Variants in ME3 observed in about 807,000 individuals in gnomAD.
ME3 encodes malic enzyme 3.
A neutral mutation model predicts 68.9 loss-of-function variants in ME3; 48 were observed. The observed-to-expected ratio is 0.70, with a 90% CI of 0.55 to 0.89. The LOEUF (loss-of-function observed/expected upper bound fraction) is 0.89. Ranked by LOEUF, ME3 falls within the 40% of genes least tolerant of loss-of-function variation. ME3 has a pLI of 0.00. For missense variants in ME3, 675 were observed against 797.4 expected (o/e 0.85, Z 1.85); for synonymous variants, 320 against 318.8 (o/e 1.00, Z -0.04).
At chr11:86,506,733 C>A (rs1953105208) in intron 5 of ME3, among the ~76,000 whole-genome samples, 1 of 152,184 alleles carries the variant, frequency 6.6e-6, no homozygotes, top group South Asian at 2.1e-4. Flanking sequence ...CTACTGAGTG[C>A]CTCCTATGTC....
At chr11:86,584,142 G>A (rs1958599540) in intron 2 of ME3, among the ~76,000 whole-genome samples, 1 of 152,076 alleles carries the variant, frequency 6.6e-6, no homozygotes, top group Non-Finnish European at 1.5e-5. Context: ...TAACCTGATT[G>A]TAAAATGGGC....
At chr11:86,616,395 T>C (rs1045060354) in intron 2 of ME3, among the ~76,000 whole-genome samples, 6 of 152,252 alleles carry the variant, frequency 3.9e-5, no homozygotes, top group Non-Finnish European at 5.9e-5. Flanking sequence ...CTGATGTTAA[T>C]TCTTAAACTG....
chr11:86,461,702 C>G (rs1024406500), intron 8 of ME3, among the ~76,000 whole-genome samples: 1 of 152,180 alleles, frequency 6.6e-6, no homozygotes, highest in African/African-American at 2.4e-5. Flanking sequence ...TGCTGACAGC[C>G]TTGCTGTCAG....
intron 2 of ME3, among the ~76,000 whole-genome samples, chr11:86,582,009 C>T (rs576884021): frequency 6.6e-6 from 1 of 152,348 alleles, no homozygotes; most frequent in Non-Finnish European, 1.5e-5. Flanking sequence ...TGGAATACAC[C>T]TTTTAGAACT....
intron 6 of ME3, among the ~76,000 whole-genome samples, chr11:86,492,475 A>T (rs191839795): frequency 6.6e-6 from 1 of 152,224 alleles, no homozygotes; most frequent in Non-Finnish European, 1.5e-5. Context: ...TGGTTTCTAG[A>T]CCAGGACTCT....
At chr11:86,543,071 G>A (rs1160315635) in intron 4 of ME3, among the ~76,000 whole-genome samples, 1 of 152,138 alleles carries the variant, frequency 6.6e-6, no homozygotes, top group Non-Finnish European at 1.5e-5. Context: ...ATAAGTGAAG[G>A]AGAAATAAAA....
At chr11:86,436,527 A>C (rs1468644379), downstream of ME3, 4 of 151,956 alleles carry the variant, frequency 2.6e-5, no homozygotes. Context: ...AGTACAATTT[A>C]TTTCTTTTAT....
chr11:86,531,004 T>G (rs1208390752), intron 4 of ME3, among the ~76,000 whole-genome samples: 1 of 152,054 alleles, frequency 6.6e-6, no homozygotes, highest in African/African-American at 2.4e-5. Flanking sequence ...AAATGGGATC[T>G]AATTAAACTA....
chr11:86,549,847 T>C (rs1230955016), intron 4 of ME3, among the ~76,000 whole-genome samples: 1 of 152,136 alleles, frequency 6.6e-6, no homozygotes, highest in Admixed American at 6.5e-5. Context: ...GCTTGGGTGG[T>C]GGGGCTGAAC....
intron 3 of ME3, among the ~76,000 whole-genome samples, chr11:86,558,190 T>C (rs1375495429): frequency 1.3e-5 from 2 of 152,208 alleles, no homozygotes; most frequent in African/African-American, 4.8e-5. Flanking sequence ...CTTTTAGAGC[T>C]TAATATCTGT....
chr11:86,652,983 CAA>C (rs1945570319), intron 2 of ME3, among the ~76,000 whole-genome samples: 1 of 149,916 alleles, frequency 6.7e-6, no homozygotes, highest in Non-Finnish European at 1.5e-5. Context: ...CAACAAAAAT[CAA>C]AAGAGACAAA....
chr11:86,532,786 G>T lies in ME3; in HGVS notation c.467+23767C>A, dbSNP rs147184150. 3.0e-4 allele frequency among the ~76,000 whole-genome samples: 46 copies of T among 152,346 alleles called. No homozygotes were observed. In the Middle Eastern group the frequency reaches 0.01, roughly 34 times the overall value. On this transcript the variant is annotated intron_variant, in intron 4 of 14. Coordinates refer to ENST00000543262, the Ensembl canonical transcript of ME3. The stretch of plus-strand genomic sequence containing the variant: ...TCAAAAAAGAAGAAAGGGCTCTGGC[G>T]TGGTGGCTTACGCCTGTAACCCCAG...
intron 2 of ME3, among the ~76,000 whole-genome samples, chr11:86,627,834 G>C (rs1018312516): frequency 6.6e-6 from 1 of 152,208 alleles, no homozygotes; most frequent in Non-Finnish European, 1.5e-5. Flanking sequence ...GAGGCCTATG[G>C]GCTTGCAAGG....
At position 86,462,465 on chromosome 11, in the gene ME3, A is replaced by C. The variant is rs1422638550; in HGVS notation, c.919+2626T>G. ...ATTTTTGACTGTGTGGGGCATTGGC[A>C]CCTGTAACCACCACCTTTGTTCAAG... On this transcript the variant is annotated intron_variant, in intron 8 of 14. Transcript: ENST00000543262. 15 of 744,410 alleles carry C rather than the reference A, an allele frequency of 2.0e-5. 1 individual carries two copies. The East Asian group carries it at 5.2e-4, about 26-fold the overall frequency. 46.1% of individuals were successfully genotyped at this position (744,410 alleles called of 1,614,324 possible).
chr11:86,493,979 C>T (rs1201005638), intron 6 of ME3, among the ~76,000 whole-genome samples: 1 of 151,776 alleles, frequency 6.6e-6, no homozygotes, highest in Non-Finnish European at 1.5e-5. Context: ...CCCTCTGTTA[C>T]ATCTCAGGCT....
At chr11:86,654,870 C>T (rs576624333) in intron 2 of ME3, among the ~76,000 whole-genome samples, 1 of 152,286 alleles carries the variant, frequency 6.6e-6, no homozygotes, top group African/African-American at 2.4e-5. Flanking sequence ...CCCAAAATCT[C>T]CTTAAGCTGA....
At chr11:86,458,722 C>G (rs1157452147) in intron 8 of ME3, among the ~76,000 whole-genome samples, 4 of 152,162 alleles carry the variant, frequency 2.6e-5, no homozygotes, top group African/African-American at 9.7e-5. Flanking sequence ...AGAACTGCTA[C>G]TCAGTGTGTG....
chr11:86,481,875 T>C (rs186337225), intron 7 of ME3, among the ~76,000 whole-genome samples: 25 of 152,280 alleles, frequency 1.6e-4, no homozygotes, highest in Admixed American at 1.5e-3. Context: ...CCACCCCTTA[T>C]TCCATGCTCA....
intron 2 of ME3, among the ~76,000 whole-genome samples, chr11:86,611,509 C>T (rs1942571459): frequency 6.7e-6 from 1 of 148,366 alleles, no homozygotes; most frequent in East Asian, 2.0e-4. Flanking sequence ...TGGTCATCAT[C>T]TCACAATGTA....
Sources: gnomAD v4.1 joint callset for allele counts (sites outside exome capture counted in the v4.1 genomes callset) on GRCh38, gnomAD v4.1.1 for gene constraint, MANE v1.5 for transcripts, NCBI Gene and HGNC (gene_info 2026-07-23, HGNC 2026-07-21) for gene names.